PCDHGA11: variants seen among roughly 807,000 people sequenced by gnomAD.
PCDHGA11 encodes protocadherin gamma subfamily A, 11, also known as protocadherin gamma-A11.
PCDHGA11 carries 39 observed loss-of-function variants against 60.4 expected under a neutral mutation model. The observed-to-expected ratio is 0.65, with a 90% CI of 0.50 to 0.84. The LOEUF (loss-of-function observed/expected upper bound fraction) is 0.84, where lower values mean the gene tolerates loss of function less well. PCDHGA11 is among the 40% of genes least tolerant of loss of function. The pLI, the probability that PCDHGA11 is intolerant of heterozygous loss-of-function variation, is 0.00. For synonymous variants in PCDHGA11, 533 were observed against 510.3 expected (o/e 1.04, Z -0.60); for missense variants, 1,165 against 1,197.7 (o/e 0.97, Z 0.40).
At chr5:141,440,165 A>G (rs935524872) in intron 1 of PCDHGA11, 2 of 152,300 alleles carry the variant, frequency 1.3e-5, no homozygotes, top group African/African-American at 4.8e-5. Flanking sequence ...AGCTTGGGCC[A>G]TAACGCTTTG....
chr5:141,466,984 C>A (rs2099133455), intron 1 of PCDHGA11, among the ~76,000 whole-genome samples: 1 of 151,586 alleles, frequency 6.6e-6, no homozygotes, highest in Non-Finnish European at 1.5e-5. Context: ...CATCATTTAC[C>A]TTTTGGCATT....
At position 141,421,166 on chromosome 5, in the gene PCDHGA11, A is replaced by T; in HGVS notation, c.-62A>T. On this transcript the variant is annotated 5_prime_UTR_variant, in exon 1 of 4. Coordinates refer to ENST00000398587, the MANE Select transcript of PCDHGA11 (RefSeq NM_018914.3). Reference sequence around the variant, plus strand: ...GTAGTCGGCCTAGGACTTCATAGATACATAAGCCGATTCACAACCAACCAG... The same window carrying T: ...GTAGTCGGCCTAGGACTTCATAGATTCATAAGCCGATTCACAACCAACCAG... 7.7e-7 allele frequency: 1 copy of T among 1,301,524 alleles called. No individual in the cohort carries two copies. The highest frequency in any genetic ancestry group is 1.0e-6 in the Non-Finnish European group (1 of 963,604). The allele number at this position is 1,301,524 out of a possible 1,614,324, so 80.6% of individuals were successfully genotyped here. A position where few individuals can be genotyped will look rare whatever the true frequency, so the allele number is the denominator to read the frequency against.
chr5:141,478,599 T>A, intron 1 of PCDHGA11: 1 of 1,565,814 alleles, frequency 6.4e-7, no homozygotes, highest in Non-Finnish European at 8.7e-7. Flanking sequence ...TATTCCTACA[T>A]CATATTGAGG....
chr5:141,481,856 G>A (rs1402368786), intron 1 of PCDHGA11, among the ~76,000 whole-genome samples: 1 of 149,156 alleles, frequency 6.7e-6, no homozygotes, highest in Admixed American at 6.8e-5. Flanking sequence ...GGAGGTTGCA[G>A]TGAGCCGAGA....
chr5:141,464,921 G>C (rs1562002597), intron 1 of PCDHGA11, among the ~76,000 whole-genome samples: 6 of 151,106 alleles, frequency 4.0e-5, no homozygotes, highest in Admixed American at 3.3e-4. Flanking sequence ...TTATTTTTTT[G>C]TAGAGATGTG....
In PCDHGA11 at chr5:141,487,493, C is replaced by T; in HGVS notation, c.2434-7314C>T. 6.2e-7 allele frequency: 1 copy of T among 1,614,168 alleles called. No individual in the cohort carries two copies. The highest frequency in any genetic ancestry group is 1.1e-5 in the South Asian group (1 of 91,088). On this transcript the variant is annotated intron_variant, in intron 1 of 3. Coordinates refer to ENST00000398587, the MANE Select transcript of PCDHGA11 (RefSeq NM_018914.3). The surrounding 1 kb of genome is among the most constrained non-coding windows in gnomAD (Gnocchi z 5.0). ...GGGAGGCCACTCTCATGGCTGTACA[C>T]CCTTGGCTTCTGCACCCACTCGGAG...
intron 1 of PCDHGA11, among the ~76,000 whole-genome samples, chr5:141,437,036 G>A (rs916860661): frequency 6.6e-6 from 1 of 152,294 alleles, no homozygotes; most frequent in Middle Eastern, 3.4e-3. Flanking sequence ...ATGGATCACC[G>A]AAACCAGAAG....
At chr5:141,426,507 C>G in intron 1 of PCDHGA11, 1 of 342,512 alleles carries the variant, frequency 2.9e-6, no homozygotes, top group Non-Finnish European at 5.8e-6. Context: ...AGAAACAATA[C>G]TTTACCGTGA....
intron 1 of PCDHGA11, chr5:141,428,441 G>C: frequency 2.6e-6 from 1 of 389,280 alleles, no homozygotes; most frequent in Non-Finnish European, 4.9e-6. Context: ...ACTAGACCAG[G>C]GGTTTTTCCC....
Position 141,431,711 on chromosome 5 carries a change from G to T in PCDHGA11, c.2433+8051G>T. On this transcript the variant is annotated intron_variant, in intron 1 of 3. Coordinates refer to ENST00000398587, the MANE Select transcript of PCDHGA11 (RefSeq NM_018914.3). This position sits in a 1 kb window ranked among gnomAD's most constrained non-coding sequence, Gnocchi z 4.8. ...CGAGGAGTCAGGATTCTACCAGATG[G>T]AAGTGCAAGCAATGGATAATGCAGG... 1 of 1,614,230 alleles carries T rather than the reference G, an allele frequency of 6.2e-7. No homozygotes were observed. The highest frequency in any genetic ancestry group is 1.1e-5 in the South Asian group (1 of 91,092).
chr5:141,486,722 G>C lies in PCDHGA11; in HGVS notation c.2434-8085G>C, dbSNP rs1235454839. The C allele has an allele frequency of 6.2e-7, 1 of 1,614,200 alleles. No homozygotes were observed. Among genetic ancestry groups the C allele is most frequent in the East Asian group, 2.2e-5 (1 of 44,874 alleles). ...CTCTCTGAACCCCCAGACAGGAGCT[G>C]TTCATGCTACTCGATCCTTTGACTA... On this transcript the variant is annotated intron_variant, in intron 1 of 3. Transcript: ENST00000398587. This position sits in a 1 kb window ranked among gnomAD's most constrained non-coding sequence, Gnocchi z 5.0.
Position 141,489,784 on chromosome 5 carries a change from G to A in PCDHGA11, c.2434-5023G>A. 1 of 1,614,218 alleles carries A rather than the reference G, an allele frequency of 6.2e-7. No individual in the cohort carries two copies. Among genetic ancestry groups the A allele is most frequent in the Non-Finnish European group, 8.5e-7 (1 of 1,180,010 alleles). On this transcript the variant is annotated intron_variant, in intron 1 of 3. Transcript: ENST00000398587. This position sits in a 1 kb window ranked among gnomAD's most constrained non-coding sequence, Gnocchi z 4.5. ...CCCCAACAGCCACTTCTCTCTGAAT[G>A]TGAAGACCCTAAAAGATGGGAAGCC...
intron 1 of PCDHGA11, chr5:141,433,049 C>A (rs1418118305): frequency 6.2e-7 from 1 of 1,614,110 alleles, no homozygotes; most frequent in Admixed American, 1.7e-5. Flanking sequence ...CACGGACTCG[C>A]GGAAGAGTCA....
At chr5:141,494,752 T>G (rs889400984) in intron 1 of PCDHGA11, 55 bp from the exon 2 acceptor site, 6 of 1,612,324 alleles carry the variant, frequency 3.7e-6, no homozygotes, top group East Asian at 2.2e-5. Flanking sequence ...GGGGCTCGGG[T>G]GACATTCTAA....
chr5:141,482,530 CA>C (rs3074545), intron 1 of PCDHGA11, among the ~76,000 whole-genome samples: 1,133 of 76,538 alleles, frequency 0.015, 6 homozygotes, highest in Admixed American at 0.025. Flanking sequence ...GACAGACATG[CA>C]AAAAAAAAAA....
chr5:141,476,180 C>T lies in PCDHGA11; in HGVS notation c.2434-18627C>T. The T allele has an allele frequency of 1.2e-6, 2 of 1,613,664 alleles. No individual in the cohort carries two copies. Among genetic ancestry groups the T allele is most frequent in the East Asian group, 4.5e-5 (2 of 44,838 alleles). On this transcript the variant is annotated intron_variant, in intron 1 of 3. Transcript: ENST00000398587. The surrounding 1 kb of genome is among the most constrained non-coding windows in gnomAD (Gnocchi z 7.6). ...CGGGAGGGTAGTGGGAGTTTTGCTT[C>T]TGCTTGGTGCCTTGAACAAGGCTTC...
rs938964469 is a variant in PCDHGA11 at position 141,485,439 on chromosome 5, C to T, written c.2434-9368C>T. On this transcript the variant is annotated intron_variant, in intron 1 of 3. Transcript: ENST00000398587. This position sits in a 1 kb window ranked among gnomAD's most constrained non-coding sequence, Gnocchi z 5.7. The stretch of plus-strand genomic sequence containing the variant: ...AGCGGAGCCCTGCTCATCAAGAACC[C>T]AATCGACCGAGAGGCACTGTGTGGG... The T allele has an allele frequency of 1.1e-5, 18 of 1,614,182 alleles. No homozygotes were observed. Among genetic ancestry groups the T allele is most frequent in the Non-Finnish European group, 1.5e-5 (18 of 1,180,036 alleles).
At chr5:141,454,796 ATTTTTTT>A (rs61612330) in intron 1 of PCDHGA11, among the ~76,000 whole-genome samples, 2,943 of 77,244 alleles carry the variant, frequency 0.038, 52 homozygotes, top group African/African-American at 0.09. Context: ...CATGGTTCTA[ATTTTTTT>A]TTTTTTTTTT....
chr5:141,500,184 T>TTTTTTTTATTTA (rs1554186429), intron 2 of PCDHGA11, among the ~76,000 whole-genome samples: 16 of 135,886 alleles, frequency 1.2e-4, no homozygotes, highest in African/African-American at 4.3e-4. Context: ...TCATTTTTAT[T>TTTTTTTTATTTA]TTTATTTATT....
Sources: gnomAD v4.1 joint callset for allele counts (sites outside exome capture counted in the v4.1 genomes callset) on GRCh38, gnomAD v4.1.1 for gene constraint, Gnocchi (gnomAD v3.1) non-coding constraint, MANE v1.5 for transcripts, NCBI Gene and HGNC (gene_info 2026-07-23, HGNC 2026-07-21) for gene names.